DNAH9: variants seen among roughly 807,000 people sequenced by gnomAD.
DNAH9 encodes the protein dynein axonemal heavy chain 9.
Under a neutral mutation model 471.6 loss-of-function variants are expected in DNAH9, and 345 were observed. That is an observed-to-expected ratio of 0.73 (90% CI 0.67 to 0.80). The LOEUF is 0.80. Among genes scored for constraint, DNAH9 ranks in the 30% least tolerant of loss-of-function variants. The pLI is 0.00. For missense variants in DNAH9, 5,407 were observed against 5,609.2 expected (o/e 0.96, Z 1.15); for synonymous variants, 2,093 against 2,123.6 (o/e 0.99, Z 0.40).
chr17:11,954,567 A>G (rs1975542774), intron 67 of DNAH9, among the ~76,000 whole-genome samples: 1 of 152,062 alleles, frequency 6.6e-6, no homozygotes, highest in South Asian at 2.1e-4. Flanking sequence ...GTAAACTTAG[A>G]ATTCTTTGCC....
rs756072181 is a variant in DNAH9 at position 11,875,196 on chromosome 17, A to G, written c.10478+12A>G. ...ATTGGTCAGAAAGGGTAAGTGGTTG[A>G]GCACAGAAGTTCCCACTTTAGCCAT... is the stretch of plus-strand genomic sequence containing the variant. On this transcript the variant is annotated intron_variant, in intron 53 of 68. Transcript: ENST00000262442. The G allele has an allele frequency of 3.7e-6, 6 of 1,608,634 alleles. No individual in the cohort carries two copies. Among genetic ancestry groups the G allele is most frequent in the Middle Eastern group, 1.6e-4 (1 of 6,082 alleles).
At chr17:11,792,631 G>A (rs1229609175) in intron 41 of DNAH9, among the ~76,000 whole-genome samples, 4 of 152,204 alleles carry the variant, frequency 2.6e-5, no homozygotes, top group Non-Finnish European at 4.4e-5. Context: ...AAGGGGAACT[G>A]ACTAGAGATA....
intron 6 of DNAH9, 50 bp from the exon 7 acceptor site, chr17:11,629,367 C>A: frequency 5.2e-6 from 8 of 1,532,268 alleles, no homozygotes; most frequent in Non-Finnish European, 7.2e-6. Context: ...TTTGTCCTTG[C>A]GATAGTTTGC....
chr17:11,646,455 G>A (rs560407727), intron 11 of DNAH9, among the ~76,000 whole-genome samples: 1 of 152,322 alleles, frequency 6.6e-6, no homozygotes, highest in South Asian at 2.1e-4. Context: ...TGTCATGACT[G>A]AATGATGAAC....
At position 11,942,890 on chromosome 17, in the gene DNAH9, T is replaced by C. The variant is rs111779731; in HGVS notation, c.12843+405T>C. On this transcript the variant is annotated intron_variant, in intron 67 of 68. Transcript: ENST00000262442. ...ACTGCTGTCGATTTACATTGGCTTG[T>C]TTTTTCTTTTTTTTTTTTTTTTTGA... Among the ~76,000 whole-genome samples the C allele has an allele frequency of 7.7e-3, 947 of 123,174 alleles. 14 individuals carry two copies. The highest frequency in any genetic ancestry group is 0.026 in the African/African-American group (899 of 34,252). The allele number at this position is 123,174 out of a possible 152,430, so 80.8% of individuals were successfully genotyped here.
intron 53 of DNAH9, among the ~76,000 whole-genome samples, chr17:11,877,924 C>T (rs1972565582): frequency 6.6e-6 from 1 of 152,066 alleles, no homozygotes; most frequent in Non-Finnish European, 1.5e-5. Context: ...TTTGTAGAGA[C>T]AGGGTTTCAC....
intron 49 of DNAH9, among the ~76,000 whole-genome samples, chr17:11,849,055 C>T (rs1971321493): frequency 6.6e-6 from 1 of 152,152 alleles, no homozygotes; most frequent in South Asian, 2.1e-4. Flanking sequence ...CCAGGATGGT[C>T]TCGATCTCCT....
intron 68 of DNAH9, among the ~76,000 whole-genome samples, chr17:11,967,449 T>TAAAA (rs1976830987): frequency 6.6e-6 from 1 of 151,878 alleles, no homozygotes. Flanking sequence ...ACTAATAATT[T>TAAAA]AAAAAATAGT....
Position 11,929,964 on chromosome 17 carries a change from A to G in DNAH9, c.11976A>G (p.Ala3992=). ...CAGAGTTCAGGGTCTTCATGAGTGC[A>G]GAGCCAGCACCCTCCCCTGAGGGCC... ...SHPEFRVFMS[A]EPAPSPEGHI... is the part of the protein sequence containing the mutation. The change falls in exon 63 of 69, where the codon GCA becomes GCG. Residue 3992 remains alanine, a synonymous_variant. Coordinates refer to ENST00000262442, the MANE Select transcript of DNAH9 (RefSeq NM_001372.4). 1 of 1,614,078 alleles carries G rather than the reference A, an allele frequency of 6.2e-7. No homozygotes were observed. Among genetic ancestry groups the G allele is most frequent in the Non-Finnish European group, 8.5e-7 (1 of 1,179,986 alleles).
At chr17:11,759,233 T>A (rs1967541892) in intron 35 of DNAH9, among the ~76,000 whole-genome samples, 1 of 152,018 alleles carries the variant, frequency 6.6e-6, no homozygotes, top group African/African-American at 2.4e-5. Context: ...CTGAATAGCA[T>A]ACATTGTATC....
At chr17:11,604,268 C>T (rs1293474396) in intron 1 of DNAH9, among the ~76,000 whole-genome samples, 2 of 152,078 alleles carry the variant, frequency 1.3e-5, no homozygotes, top group African/African-American at 4.8e-5. Flanking sequence ...GTGATCTGCC[C>T]ACCTTGGCTT....
chr17:11,920,630 A>AAAAAAAG (rs1412890272), intron 61 of DNAH9, among the ~76,000 whole-genome samples: 1 of 149,232 alleles, frequency 6.7e-6, no homozygotes, highest in African/African-American at 2.5e-5. Flanking sequence ...CAAAAAAAAA[A>AAAAAAAG]AAAAAGAAAA....
rs1290381464 is a variant in DNAH9, at chr17:11,892,983, G to A, written c.11283+1036G>A. 6.6e-6 allele frequency among the ~76,000 whole-genome samples: 1 copy of A among 151,998 alleles called. No homozygotes were observed. Among genetic ancestry groups the A allele is most frequent in the African/African-American group, 2.4e-5 (1 of 41,462 alleles). Reference sequence around the variant, plus strand: ...AATCTTCTGATCCGTAGTCAGACACGTTATCCATTGCACCACTGGCCCACG... The same window carrying A: ...AATCTTCTGATCCGTAGTCAGACACATTATCCATTGCACCACTGGCCCACG... On this transcript the variant is annotated intron_variant, in intron 58 of 68. Transcript: ENST00000262442. The surrounding 1 kb of genome is among the most constrained non-coding windows in gnomAD (Gnocchi z 4.3).
intron 62 of DNAH9, among the ~76,000 whole-genome samples, chr17:11,924,844 G>A (rs1974265560): frequency 3.3e-5 from 5 of 151,918 alleles, no homozygotes; most frequent in Admixed American, 3.3e-4. Context: ...GGCTTGTCTT[G>A]AACTTCAGAA....
intron 49 of DNAH9, among the ~76,000 whole-genome samples, chr17:11,844,563 G>A (rs1971147593): frequency 6.6e-6 from 1 of 151,880 alleles, no homozygotes; most frequent in African/African-American, 2.4e-5. Context: ...ACACCACCAT[G>A]CCCGACTAAT....
chr17:11,895,450 T>C (rs975106390), intron 59 of DNAH9, among the ~76,000 whole-genome samples: 10 of 152,240 alleles, frequency 6.6e-5, no homozygotes, highest in African/African-American at 2.4e-4. Context: ...TAAAGTAATA[T>C]GATTGGCTTT....
intron 38 of DNAH9, among the ~76,000 whole-genome samples, chr17:11,770,410 G>A (rs1377107691): frequency 6.6e-6 from 1 of 151,738 alleles, no homozygotes; most frequent in Non-Finnish European, 1.5e-5. Context: ...GCCAGCTCTT[G>A]TAGGATTAGG....
At chr17:11,727,646 C>T (rs1477820620) in intron 27 of DNAH9, among the ~76,000 whole-genome samples, 172 bp from the exon 28 acceptor site, 1 of 152,204 alleles carries the variant, frequency 6.6e-6, no homozygotes, top group Non-Finnish European at 1.5e-5. Context: ...CTTCTGTTGA[C>T]ACCCCATAAC....
chr17:11,902,732 T>C lies in DNAH9; in HGVS notation c.11420T>C (p.Met3807Thr), dbSNP rs1447026280. The change falls in exon 60 of 69, where the codon ATG becomes ACG. Residue 3807 changes from methionine (M) to threonine (T), a missense_variant. Met to Thr is a moderately conservative substitution (Grantham distance 81, BLOSUM62 -1). This residue lies in a region of DNAH9 where 4,636 missense variants were observed against 4,900.3 expected (regional missense o/e 0.95). Transcript: ENST00000262442. ...GAAATTTCCCAGGTACTTTCATCAA[T>C]GGAAGAATTCTCTAATCTGGATCGG... ...AWGAVKVLSS[M>T]EEFSNLDRDI... is the part of the protein sequence containing the mutation. The C allele has an allele frequency of 1.9e-5, 30 of 1,607,310 alleles. No homozygotes were observed. The highest frequency in any genetic ancestry group is 4.0e-5 in the African/African-American group (3 of 74,428).
Sources: allele counts gnomAD v4.1 joint callset (sites outside exome capture counted in the v4.1 genomes callset), GRCh38; gene constraint gnomAD v4.1.1; regional missense constraint gnomAD v4.1.1; non-coding constraint Gnocchi (gnomAD v3.1); transcripts MANE v1.5; gene names NCBI Gene and HGNC (gene_info 2026-07-23, HGNC 2026-07-21).